Variants in SEMA7A observed in about 807,000 individuals in gnomAD.
SEMA7A encodes semaphorin-7A.
SEMA7A carries 21 observed loss-of-function variants against 67.5 expected under a neutral mutation model. The ratio of observed to expected loss-of-function variants is 0.31; its 90% CI spans 0.22 to 0.45. The LOEUF (loss-of-function observed/expected upper bound fraction) is 0.45. Ranked by LOEUF, SEMA7A falls within the 20% of genes least tolerant of loss-of-function variation. SEMA7A has a pLI of 1.00. For synonymous variants in SEMA7A, 364 were observed against 368.5 expected, an observed-to-expected ratio of 0.99 and a Z score of 0.14; for missense variants, 774 against 908.6, an observed-to-expected ratio of 0.85 and a Z score of 1.90.
chr15:74,415,502 TC>T (rs1293448069), intron 8 of SEMA7A, among the ~76,000 whole-genome samples: 3 of 152,130 alleles, frequency 2.0e-5, no homozygotes, highest in African/African-American at 7.2e-5. Context: ...AGCAGCTTCC[TC>T]CTGGGCCCAG....
intron 1 of SEMA7A, chr15:74,433,446 C>T: frequency 4.6e-6 from 3 of 658,330 alleles, no homozygotes; most frequent in Non-Finnish European, 4.1e-6. Flanking sequence ...AGGGGCCCGC[C>T]CCCTCCCCTG....
rs911584873 is a variant in SEMA7A at position 74,433,567 on chromosome 15, C to G, written c.178+174G>C. On this transcript the variant is annotated intron_variant, in intron 1 of 13. Coordinates refer to ENST00000261918, the MANE Select transcript of SEMA7A (RefSeq NM_003612.5). Reference sequence around the variant, plus strand: ...GTTACAGCCGGCTCTGGTGTGCCAGCGTGTACACTCACACACACTCACCCA... The same window carrying G: ...GTTACAGCCGGCTCTGGTGTGCCAGGGTGTACACTCACACACACTCACCCA... The G allele has an allele frequency of 4.9e-6, 6 of 1,222,216 alleles. No individual in the cohort carries two copies. The African/African-American group carries it at 7.9e-5, about 16-fold the overall frequency. 75.7% of individuals were successfully genotyped at this position (1,222,216 alleles called of 1,614,324 possible). A position where few individuals can be genotyped will look rare whatever the true frequency, so the allele number is the denominator to read the frequency against.
chr15:74,424,228 G>A (rs2061024269), intron 1 of SEMA7A, among the ~76,000 whole-genome samples: 2 of 152,148 alleles, frequency 1.3e-5, no homozygotes, highest in Admixed American at 1.3e-4. Flanking sequence ...GGGCCTTCCT[G>A]GGTTCATTTT....
rs1375925056 is a variant in SEMA7A, at chr15:74,417,401, T to C, written c.595A>G (p.Lys199Glu). ...CGGATGCGGCGGAACCGAGGGATCT[T>C]CCCATTGTATTCCTGCTTCCGGATG... ...STIRKQEYNG[K>E]IPRFRRIRGE... Residue 199 changes from lysine (K) to glutamate (E), a missense_variant, in exon 6 of 14, where the codon AAG becomes GAG. Lys to Glu is a moderately conservative substitution (Grantham distance 56). This residue lies in a region of SEMA7A where 347 missense variants were observed against 353.2 expected (regional missense o/e 0.98). Transcript: ENST00000261918. 2.5e-6 allele frequency: 4 copies of C among 1,613,928 alleles called. No homozygotes were observed. Among genetic ancestry groups the C allele is most frequent in the African/African-American group, 2.7e-5 (2 of 74,918 alleles).
rs181997649 is a variant in SEMA7A at position 74,429,687 on chromosome 15, T to C, written c.178+4054A>G. ...TTCCTCCTCACTGCTGCGCCAGTCA[T>C]AGGATGACAGGTATCCCCTCACCTA... On this transcript the variant is annotated intron_variant, in intron 1 of 13. Transcript: ENST00000261918. 9.8e-5 allele frequency among the ~76,000 whole-genome samples: 15 copies of C among 152,314 alleles called. No homozygotes were observed. The East Asian group carries it at 2.7e-3, about 27-fold the overall frequency.
intron 1 of SEMA7A, among the ~76,000 whole-genome samples, chr15:74,430,938 G>C (rs2061083286): frequency 1.3e-5 from 2 of 152,168 alleles, no homozygotes; most frequent in Non-Finnish European, 2.9e-5. Flanking sequence ...AGCGAGGGAG[G>C]GCAGAACCAG....
At chr15:74,424,991 G>A (rs1283342386) in intron 1 of SEMA7A, among the ~76,000 whole-genome samples, 1 of 152,232 alleles carries the variant, frequency 6.6e-6, no homozygotes, top group Non-Finnish European at 1.5e-5. Flanking sequence ...AACCCCAAGT[G>A]GAGGGAGGGA....
At chr15:74,425,763 A>G (rs2061039113) in intron 1 of SEMA7A, among the ~76,000 whole-genome samples, 2 of 152,128 alleles carry the variant, frequency 1.3e-5, no homozygotes, top group African/African-American at 4.8e-5. Context: ...ACCTCCTCCC[A>G]GTTCCTCCAT....
chr15:74,417,815 G>C (rs1040605069), intron 4 of SEMA7A, 62 bp downstream of exon 4: 2 of 1,578,852 alleles, frequency 1.3e-6, no homozygotes, highest in Admixed American at 1.7e-5. Context: ...CCCACCATGA[G>C]GGGCAGAAGC....
intron 1 of SEMA7A, among the ~76,000 whole-genome samples, chr15:74,420,711 C>T (rs767462195): frequency 6.6e-6 from 1 of 152,170 alleles, no homozygotes; most frequent in Non-Finnish European, 1.5e-5. Flanking sequence ...CTTCCTGACT[C>T]AGCTCCCGTA....
At chr15:74,433,233 G>T (rs1381704949) in intron 1 of SEMA7A, among the ~76,000 whole-genome samples, 1 of 151,324 alleles carries the variant, frequency 6.6e-6, no homozygotes, top group African/African-American at 2.4e-5. Context: ...GCGGGGGCAG[G>T]CGGCGGGGTC....
intron 1 of SEMA7A, among the ~76,000 whole-genome samples, chr15:74,427,917 G>A (rs1422887454): frequency 2.6e-5 from 4 of 152,232 alleles, no homozygotes; most frequent in Non-Finnish European, 5.9e-5. Flanking sequence ...TCCCCCAGAG[G>A]AGCCGAACAC....
Position 74,414,797 on chromosome 15 carries a change from A to G in SEMA7A, c.1095+41T>C. Reference sequence around the variant, plus strand: ...AGTGGGGTGGTGGGAGGTGAGGCAGAAGGAGGGCTGGGCCTGGGCCACGGC... The same window carrying G: ...AGTGGGGTGGTGGGAGGTGAGGCAGGAGGAGGGCTGGGCCTGGGCCACGGC... On this transcript the variant is annotated intron_variant, in intron 9 of 13. Transcript: ENST00000261918. The surrounding 1 kb of genome is among the most constrained non-coding windows in gnomAD (Gnocchi z 4.1). 6.2e-7 allele frequency: 1 copy of G among 1,613,884 alleles called. No individual in the cohort carries two copies. Among genetic ancestry groups the G allele is most frequent in the Non-Finnish European group, 8.5e-7 (1 of 1,179,814 alleles).
intron 1 of SEMA7A, among the ~76,000 whole-genome samples, chr15:74,419,716 G>C (rs2060983751): frequency 6.6e-6 from 1 of 152,192 alleles, no homozygotes; most frequent in African/African-American, 2.4e-5. Flanking sequence ...CTCTGGCCTG[G>C]TTTCACCCAT....
Position 74,414,683 on chromosome 15 carries a change from C to G in SEMA7A, c.1158G>C (p.Glu386Asp), listed in dbSNP as rs1469098034. Residue 386 changes from glutamate to aspartate, a missense_variant, in exon 10 of 14, where the codon GAG (glutamate) becomes GAC (aspartate). Coordinates refer to ENST00000261918, the MANE Select transcript of SEMA7A (RefSeq NM_003612.5). This position sits in a 1 kb window ranked among gnomAD's most constrained non-coding sequence, Gnocchi z 4.1. ...CCATGGGCTCCACCCTCTGCGCCAC[C>G]TCTGGGTGACGGTCAGCCACCTGGA... Reference protein sequence around the residue: ...ETFQVADRHPEVAQRVEPMGP... With the variant: ...ETFQVADRHPDVAQRVEPMGP... 1 of 1,614,048 alleles carries G rather than the reference C, an allele frequency of 6.2e-7. No individual in the cohort carries two copies. Among genetic ancestry groups the G allele is most frequent in the African/African-American group, 1.3e-5 (1 of 74,918 alleles).
intron 1 of SEMA7A, among the ~76,000 whole-genome samples, chr15:74,431,229 G>T (rs1214788416): frequency 6.6e-6 from 1 of 152,192 alleles, no homozygotes; most frequent in Non-Finnish European, 1.5e-5. Flanking sequence ...AATCCCTACA[G>T]CCTTTCTTGC....
chr15:74,433,652 G>T (rs1165612761), intron 1 of SEMA7A, 89 bp downstream of exon 1: 2 of 1,310,430 alleles, frequency 1.5e-6, no homozygotes, highest in Non-Finnish European at 1.9e-6. Context: ...AGAGCTGCGC[G>T]CACGCACTCC....
chr15:74,429,202 C>T (rs1437989612), intron 1 of SEMA7A, among the ~76,000 whole-genome samples: 1 of 152,228 alleles, frequency 6.6e-6, no homozygotes, highest in East Asian at 1.9e-4. Context: ...GAAGTGCAGT[C>T]AGTCTCTTGT....
intron 1 of SEMA7A, 21 bp downstream of exon 1, chr15:74,433,720 C>G (rs1481699477): frequency 4.9e-6 from 7 of 1,419,776 alleles, no homozygotes; most frequent in African/African-American, 1.5e-5. Flanking sequence ...CGCGCCTGAC[C>G]GGCCGCGCGG....
Sources: allele counts gnomAD v4.1 joint callset (sites outside exome capture counted in the v4.1 genomes callset), GRCh38; gene constraint gnomAD v4.1.1; regional missense constraint gnomAD v4.1.1; non-coding constraint Gnocchi (gnomAD v3.1); transcripts MANE v1.5; gene names NCBI Gene and HGNC (gene_info 2026-07-23, HGNC 2026-07-21).